The following GRID2 variants were observed in gnomAD, a reference collection of about 807,000 sequenced individuals.
The protein encoded by GRID2 is glutamate receptor ionotropic, delta-2.
Under a neutral mutation model 114.8 loss-of-function variants are expected in GRID2, and 33 were observed. The observed-to-expected ratio is 0.29, with a 90% CI of 0.22 to 0.38. GRID2 has a LOEUF of 0.38. Among genes scored for constraint, GRID2 ranks in the 10% least tolerant of loss-of-function variants. GRID2 has a pLI of 1.00. For synonymous variants in GRID2, 505 were observed against 449.9 expected, an observed-to-expected ratio of 1.12 and a Z score of -1.55; for missense variants, 1,184 against 1,257.7, an observed-to-expected ratio of 0.94 and a Z score of 0.89.
At chr4:93,499,024 T>C (rs995767510) in intron 12 of GRID2, among the ~76,000 whole-genome samples, 2 of 151,942 alleles carry the variant, frequency 1.3e-5, no homozygotes, top group Non-Finnish European at 2.9e-5. Context: ...TCATTTTTTA[T>C]TGATTGGTAT....
intron 2 of GRID2, among the ~76,000 whole-genome samples, chr4:92,946,907 G>GT (rs1211809685): frequency 6.6e-6 from 1 of 152,042 alleles, no homozygotes; most frequent in Admixed American, 6.6e-5. Flanking sequence ...GAGAGCTGTA[G>GT]TATTAGAACC....
intron 2 of GRID2, among the ~76,000 whole-genome samples, chr4:92,936,282 CT>C (rs1470250428): frequency 2.1e-5 from 3 of 145,964 alleles, no homozygotes; most frequent in Non-Finnish European, 3.0e-5. Context: ...GCTTTGTTTC[CT>C]TTCAAATTGA....
In GRID2 at chr4:92,666,055, G is replaced by T. The variant is rs759653593; in HGVS notation, c.244+75769G>T. 2.0e-5 allele frequency among the ~76,000 whole-genome samples: 3 copies of T among 151,098 alleles called. No homozygotes were observed. In the South Asian group the frequency reaches 6.3e-4, roughly 32 times the overall value. Reference sequence around the variant, plus strand: ...GGAGACTACTATAATGTGTATATTGGTCTTCATGATTGTGTTTTATACCTT... The same window carrying T: ...GGAGACTACTATAATGTGTATATTGTTCTTCATGATTGTGTTTTATACCTT... On this transcript the variant is annotated intron_variant, in intron 2 of 15. Transcript: ENST00000282020.
intron 8 of GRID2, among the ~76,000 whole-genome samples, chr4:93,310,741 A>G (rs1755925265): frequency 6.6e-6 from 1 of 152,148 alleles, no homozygotes; most frequent in Admixed American, 6.5e-5. Flanking sequence ...CAAAAAGGGA[A>G]AGTCAGAAAT....
chr4:93,053,305 T>C (rs1726899082), intron 2 of GRID2, among the ~76,000 whole-genome samples: 1 of 151,940 alleles, frequency 6.6e-6, no homozygotes, highest in African/African-American at 2.4e-5. Flanking sequence ...ATGATTCTGA[T>C]GCATGCCAAA....
chr4:93,411,431 A>AT (rs34629800), intron 9 of GRID2, among the ~76,000 whole-genome samples: 34,480 of 146,692 alleles, frequency 0.24, 5,582 homozygotes, highest in African/African-American at 0.47. Context: ...AATTGAATAG[A>AT]TTTTTTTTTT....
At chr4:93,433,244 A>G (rs1427567297) in intron 10 of GRID2, among the ~76,000 whole-genome samples, 2 of 152,196 alleles carry the variant, frequency 1.3e-5, no homozygotes, top group African/African-American at 2.4e-5. Flanking sequence ...AGGAATATCT[A>G]CATTGATTCT....
At chr4:92,760,861 C>T (rs1347096028) in intron 2 of GRID2, among the ~76,000 whole-genome samples, 1 of 152,158 alleles carries the variant, frequency 6.6e-6, no homozygotes, top group African/African-American at 2.4e-5. Context: ...TATGAATACA[C>T]TTCATCTTGA....
At chr4:92,822,391 A>G (rs1216524641) in intron 2 of GRID2, 4 of 602,246 alleles carry the variant, frequency 6.6e-6, no homozygotes, top group Non-Finnish European at 1.3e-5. Flanking sequence ...GCTTGCAGTT[A>G]GCCAGATTCC....
At chr4:93,450,613 G>T (rs898687651) in intron 10 of GRID2, among the ~76,000 whole-genome samples, 1 of 151,634 alleles carries the variant, frequency 6.6e-6, no homozygotes, top group Non-Finnish European at 1.5e-5. Context: ...TTGCTTATTA[G>T]TCATGCTCCA....
chr4:93,404,114 C>A (rs7670932), intron 9 of GRID2, among the ~76,000 whole-genome samples: 2 of 152,010 alleles, frequency 1.3e-5, no homozygotes, highest in Non-Finnish European at 2.9e-5. Flanking sequence ...GGGAAAGAAG[C>A]CAGACACAGA....
rs188145722 is a variant in GRID2, at chr4:92,431,698, C to T, written c.88+126954C>T. On this transcript the variant is annotated intron_variant, in intron 1 of 15. Transcript: ENST00000282020. ...TTTCATTTAGCTTCCTCAAAACAGC[C>T]AGTTTGAATTCTCTGTCTCCCCCAG... Among the ~76,000 whole-genome samples, 483 of 152,004 alleles carry T rather than the reference C, an allele frequency of 3.2e-3. 4 individuals are homozygous for T. Among genetic ancestry groups the T allele is most frequent in the African/African-American group, 0.011 (446 of 41,452 alleles).
At chr4:92,410,797 G>A (rs564506110) in intron 1 of GRID2, among the ~76,000 whole-genome samples, 235 of 150,880 alleles carry the variant, frequency 1.6e-3, no homozygotes, top group Admixed American at 4.6e-3. Context: ...GGTACATATC[G>A]GTGTAATATT....
intron 8 of GRID2, among the ~76,000 whole-genome samples, chr4:93,256,544 T>C (rs571103436): frequency 2.0e-5 from 3 of 151,848 alleles, no homozygotes; most frequent in Non-Finnish European, 4.4e-5. Flanking sequence ...AGACCTATAT[T>C]GAGGAACAAA....
At position 92,726,366 on chromosome 4, in the gene GRID2, C is replaced by T. The variant is rs190527485; in HGVS notation, c.244+136080C>T. 2.3e-4 allele frequency among the ~76,000 whole-genome samples: 35 copies of T among 152,186 alleles called. No individual in the cohort carries two copies. The East Asian group carries it at 5.6e-3, about 24-fold the overall frequency. On this transcript the variant is annotated intron_variant, in intron 2 of 15. Transcript: ENST00000282020. ...TGCCGCAGCTGCAACGTCACTCAGA[C>T]TATAGGAATTTTTCAGCTTCATTAT...
intron 3 of GRID2, among the ~76,000 whole-genome samples, chr4:93,089,409 G>GT (rs1730589760): frequency 6.6e-6 from 1 of 152,130 alleles, no homozygotes; most frequent in South Asian, 2.1e-4. Context: ...TGACCTATCT[G>GT]TAACAGAAAT....
chr4:93,443,194 A>T lies in GRID2; in HGVS notation c.1546-12468A>T, dbSNP rs546854069. On this transcript the variant is annotated intron_variant, in intron 10 of 15. Coordinates refer to ENST00000282020, the MANE Select transcript of GRID2 (RefSeq NM_001510.4). ...ACAGAGCAGCCAAAGTGATTGTTTT[A>T]AAATGTCAGATCGTATTACACTCTC... Among the ~76,000 whole-genome samples the T allele has an allele frequency of 8.0e-4, 121 of 152,114 alleles. 1 individual carries two copies. The highest frequency in any genetic ancestry group is 2.7e-3 in the African/African-American group (114 of 41,550).
chr4:92,554,652 C>A (rs1726763447), intron 1 of GRID2, among the ~76,000 whole-genome samples: 1 of 152,016 alleles, frequency 6.6e-6, no homozygotes, highest in South Asian at 2.1e-4. Flanking sequence ...TTTCATTTCA[C>A]CTTATGGGAA....
rs183730896 is a variant in GRID2 at position 93,578,380 on chromosome 4, C to T, written c.2194-47889C>T. Among the ~76,000 whole-genome samples, 704 of 151,928 alleles carry T rather than the reference C, an allele frequency of 4.6e-3. 6 individuals carry two copies. Among genetic ancestry groups the T allele is most frequent in the Middle Eastern group, 6.8e-3 (2 of 294 alleles). On this transcript the variant is annotated intron_variant, in intron 13 of 15. Transcript: ENST00000282020. ...GACACAGATCCAGGTTCTGTGGGTT[C>T]TAAAGATTATACTGTTAAAAGTGGG...
Sources: gnomAD v4.1 joint callset for allele counts (sites outside exome capture counted in the v4.1 genomes callset) on GRCh38, gnomAD v4.1.1 for gene constraint, MANE v1.5 for transcripts, NCBI Gene and HGNC (gene_info 2026-07-23, HGNC 2026-07-21) for gene names.